Variants in RBP2 observed in about 807,000 individuals in gnomAD.
RBP2 encodes the protein retinol-binding protein 2.
A neutral mutation model predicts 17.0 loss-of-function variants in RBP2; 17 were observed. That is an observed-to-expected ratio of 1.00 (90% confidence interval 0.68 to 1.50). RBP2 has a LOEUF of 1.50. Among genes scored for constraint, RBP2 ranks in the 40% most tolerant of loss-of-function variants. RBP2 has a pLI of 0.00. For missense variants in RBP2, 158 were observed against 168.2 expected, an observed-to-expected ratio of 0.94 and a Z score of 0.33; for synonymous variants, 48 against 57.1, an observed-to-expected ratio of 0.84 and a Z score of 0.72.
intron 2 of RBP2, among the ~76,000 whole-genome samples, chr3:139,461,846 C>T (rs1933200716): frequency 6.6e-6 from 1 of 152,160 alleles, no homozygotes; most frequent in South Asian, 2.1e-4. Flanking sequence ...GCCCTCTTCC[C>T]TCTGCCTGCC....
chr3:139,464,389 C>T (rs894190106), intron 1 of RBP2, among the ~76,000 whole-genome samples: 13 of 152,182 alleles, frequency 8.5e-5, no homozygotes, highest in Middle Eastern at 3.4e-3. Context: ...ACCCGGGAGG[C>T]GGAGGTTGCA....
intron 2 of RBP2, among the ~76,000 whole-genome samples, chr3:139,461,388 A>G (rs17560106): frequency 0.083 from 12,647 of 152,162 alleles, 579 homozygotes; most frequent in Middle Eastern, 0.16. Flanking sequence ...CAGTAGTTCA[A>G]ATGGTGAAAG....
intron 1 of RBP2, among the ~76,000 whole-genome samples, chr3:139,470,867 G>T (rs983292464): frequency 6.6e-6 from 1 of 152,026 alleles, no homozygotes; most frequent in African/African-American, 2.4e-5. Context: ...GATTACAGGT[G>T]TGAGCCATCA....
In RBP2 at chr3:139,453,080, G is replaced by C. The variant is rs773921142; in HGVS notation, c.*36C>G. On this transcript the variant is annotated 3_prime_UTR_variant, in exon 4 of 4. Coordinates refer to ENST00000232217, the MANE Select transcript of RBP2 (RefSeq NM_004164.3). ...CAGTAGACCACTCAGTGTGGGCAGT[G>C]GGGAGCTTGTGCTTGGCAGGCCTCC... The C allele has an allele frequency of 6.2e-6, 10 of 1,612,870 alleles. No individual in the cohort carries two copies. Among genetic ancestry groups the C allele is most frequent in the Non-Finnish European group, 8.5e-6 (10 of 1,179,006 alleles).
At chr3:139,467,551 TCTTC>T (rs1933406202) in intron 1 of RBP2, among the ~76,000 whole-genome samples, 1 of 152,200 alleles carries the variant, frequency 6.6e-6, no homozygotes, top group Non-Finnish European at 1.5e-5. Context: ...GAGAAATCAC[TCTTC>T]CTTTGTAGGA....
In RBP2 at chr3:139,462,199, A is replaced by G. The variant is rs1933213627; in HGVS notation, c.165T>C (p.Thr55=). 1 of 1,614,032 alleles carries G rather than the reference A, an allele frequency of 6.2e-7. No individual in the cohort carries two copies. The highest frequency in any genetic ancestry group is 1.7e-5 in the Admixed American group (1 of 59,996). ...QDGDNFKTKT[T]STFRNYDVDF... is the part of the protein sequence containing the mutation. ...CCACATCATAGTTGCGGAATGTGCT[A>G]GTGGTTTTTGTCTTGAAGTTATCAC... Residue 55 remains threonine (T), a synonymous_variant, in exon 2 of 4, where the codon ACT becomes ACC. Coordinates refer to ENST00000232217, the MANE Select transcript of RBP2 (RefSeq NM_004164.3).
chr3:139,454,872 G>C (rs770677102), intron 2 of RBP2, 42 bp from the exon 3 acceptor site: 3 of 1,577,956 alleles, frequency 1.9e-6, no homozygotes. Flanking sequence ...ACATGGTCTT[G>C]AGGGACTGAA....
chr3:139,455,782 G>C (rs1339696597), intron 2 of RBP2, among the ~76,000 whole-genome samples: 1 of 152,272 alleles, frequency 6.6e-6, no homozygotes, highest in East Asian at 1.9e-4. Flanking sequence ...GTTCCTCCCA[G>C]CAGCAATGCC....
intron 1 of RBP2, among the ~76,000 whole-genome samples, chr3:139,475,042 C>A (rs1029368726): frequency 4.6e-5 from 7 of 152,012 alleles, no homozygotes; most frequent in African/African-American, 1.5e-4. Flanking sequence ...CATGAAGAGG[C>A]CGGGTGCGGT....
chr3:139,456,555 C>G (rs144791601), intron 2 of RBP2, among the ~76,000 whole-genome samples: 1 of 152,122 alleles, frequency 6.6e-6, no homozygotes, highest in Non-Finnish European at 1.5e-5. Context: ...TGGTTTAAGT[C>G]GAAAAAGCAA....
chr3:139,465,743 T>TC (rs1409444688), intron 1 of RBP2, among the ~76,000 whole-genome samples: 1 of 152,126 alleles, frequency 6.6e-6, no homozygotes, highest in Non-Finnish European at 1.5e-5. Context: ...TTGCATACTG[T>TC]CCCCCACCAA....
At chr3:139,475,595 T>C (rs995247125) in intron 1 of RBP2, among the ~76,000 whole-genome samples, 4 of 152,140 alleles carry the variant, frequency 2.6e-5, no homozygotes, top group African/African-American at 9.7e-5. Flanking sequence ...TGGAGAACTT[T>C]AAAGCTAGAA....
At position 139,454,642 on chromosome 3, in the gene RBP2, A is replaced by G; in HGVS notation, c.354+87T>C. ...GAGCTCGGGGTAGGAGTGCAGGGCC[A>G]TTTTTCTTGTCAAAACACCTGGCTA... On this transcript the variant is annotated intron_variant, in intron 3 of 3. Transcript: ENST00000232217. 9.8e-6 allele frequency: 13 copies of G among 1,329,472 alleles called. No homozygotes were observed. In the South Asian group the frequency reaches 1.6e-4, roughly 16 times the overall value. 82.4% of individuals were successfully genotyped at this position (1,329,472 alleles called of 1,614,324 possible).
At chr3:139,472,569 T>C (rs1332410896) in intron 1 of RBP2, among the ~76,000 whole-genome samples, 2 of 152,194 alleles carry the variant, frequency 1.3e-5, no homozygotes, top group African/African-American at 2.4e-5. Context: ...CACATGTAGA[T>C]GCTGAAGGCC....
chr3:139,471,647 G>A (rs1316631473), intron 1 of RBP2, among the ~76,000 whole-genome samples: 1 of 152,130 alleles, frequency 6.6e-6, no homozygotes, highest in Non-Finnish European at 1.5e-5. Flanking sequence ...TCTAATTTTT[G>A]GACACATGCT....
At chr3:139,461,980 T>C in intron 2 of RBP2, 132 bp downstream of exon 2, 1 of 918,954 alleles carries the variant, frequency 1.1e-6, no homozygotes, top group Non-Finnish European at 1.7e-6. Flanking sequence ...GCCAGCATGA[T>C]TAAGGCCATC....
intron 1 of RBP2, among the ~76,000 whole-genome samples, chr3:139,475,105 A>G (rs760944260): frequency 2.0e-5 from 3 of 151,998 alleles, no homozygotes; most frequent in Admixed American, 1.3e-4. Flanking sequence ...GTGGATCACA[A>G]GGTCAGGAGA....
intron 1 of RBP2, among the ~76,000 whole-genome samples, chr3:139,464,439 C>G (rs1181705828): frequency 6.6e-6 from 1 of 150,508 alleles, no homozygotes; most frequent in Non-Finnish European, 1.5e-5. Context: ...CGCAATAGAG[C>G]GAGACTCCAT....
chr3:139,454,841 A>G lies in RBP2; in HGVS notation c.253-11T>C, dbSNP rs746413204. 5 of 1,612,134 alleles carry G rather than the reference A, an allele frequency of 3.1e-6. No homozygotes were observed. The highest frequency in any genetic ancestry group is 4.2e-6 in the Non-Finnish European group (5 of 1,178,146). On this transcript the variant is annotated splice_polypyrimidine_tract_variant and intron_variant, in intron 2 of 3. Coordinates refer to ENST00000232217, the MANE Select transcript of RBP2 (RefSeq NM_004164.3). ...CCAGGTGACCAGTGCCTGTAAAGACAGATTCCCAGGCAAATCAAACACATG... is the reference window on the plus strand; with the variant it reads ...CCAGGTGACCAGTGCCTGTAAAGACGGATTCCCAGGCAAATCAAACACATG...
Sources: allele counts gnomAD v4.1 joint callset (sites outside exome capture counted in the v4.1 genomes callset), GRCh38; gene constraint gnomAD v4.1.1; transcripts MANE v1.5; gene names NCBI Gene and HGNC (gene_info 2026-07-23, HGNC 2026-07-21).